G3BP2: variants seen among roughly 807,000 people sequenced by gnomAD.
The protein encoded by G3BP2 is G3BP stress granule assembly factor 2.
In G3BP2, 11 loss-of-function variants were observed where a neutral mutation model predicts 56.7. The observed-to-expected ratio is 0.19, with a 90% CI of 0.12 to 0.32. The LOEUF (loss-of-function observed/expected upper bound fraction) is 0.32, where lower values mean the gene tolerates loss of function less well. Ranked by LOEUF, G3BP2 falls within the 10% of genes least tolerant of loss-of-function variation. The pLI, the probability that G3BP2 is intolerant of heterozygous loss-of-function variation, is 1.00. For synonymous variants in G3BP2, 165 were observed against 191.6 expected (o/e 0.86, Z 1.15); for missense variants, 340 against 610.9 (o/e 0.56, Z 4.67).
At chr4:75,686,364 GACAGATTTGT>G (rs1435156360) in intron 3 of G3BP2, among the ~76,000 whole-genome samples, 1 of 152,108 alleles carries the variant, frequency 6.6e-6, no homozygotes, top group Non-Finnish European at 1.5e-5. Flanking sequence ...TAAGGTTTCA[GACAGATTTGT>G]ACAGGGTACA....
intron 2 of G3BP2, among the ~76,000 whole-genome samples, chr4:75,721,699 C>T (rs1720185553): frequency 6.6e-6 from 1 of 152,128 alleles, no homozygotes; most frequent in Non-Finnish European, 1.5e-5. Flanking sequence ...CTTACTACCA[C>T]CCCAACTAAA....
intron 3 of G3BP2, chr4:75,694,739 GA>G: frequency 1.0e-6 from 1 of 981,974 alleles, no homozygotes; most frequent in Non-Finnish European, 1.2e-6. Context: ...ACTCTGTCTC[GA>G]AAAACAAACA....
rs1391541487 is a variant in G3BP2 at position 75,645,558 on chromosome 4, C to T, written c.1321G>A (p.Val441Met). 1 of 1,613,800 alleles carries T rather than the reference C, an allele frequency of 6.2e-7. No individual in the cohort carries two copies. The highest frequency in any genetic ancestry group is 1.3e-5 in the African/African-American group (1 of 74,796). Residue 441 changes from valine (V) to methionine (M), a missense_variant, in exon 12 of 12, where the codon GTG becomes ATG. Coordinates refer to ENST00000359707, the MANE Select transcript of G3BP2 (RefSeq NM_203505.3). ...DRGPGGPRGIVGGGMMRDRDG... is the reference protein window; with the variant it reads ...DRGPGGPRGIMGGGMMRDRDG... Reference sequence around the variant, plus strand: ...CGATCACGCATCATTCCACCACCCACAATTCCACGTGGACCACCGGGACCT... The same window carrying T: ...CGATCACGCATCATTCCACCACCCATAATTCCACGTGGACCACCGGGACCT...
chr4:75,723,493 C>T (rs1720262734), intron 1 of G3BP2, among the ~76,000 whole-genome samples: 1 of 152,146 alleles, frequency 6.6e-6, no homozygotes, highest in Non-Finnish European at 1.5e-5. Flanking sequence ...GAGAGCAGAA[C>T]ACCTATTTGA....
In G3BP2 at chr4:75,645,434, C is replaced by A; in HGVS notation, c.1445G>T (p.Arg482Leu). Residue 482 changes from arginine to leucine, a missense_variant, in exon 12 of 12, where the codon CGC becomes CTC. Arg to Leu is a moderately radical substitution (Grantham distance 102). Around this residue, in one of 4 missense-constraint regions of G3BP2, gnomAD observed 94 missense variants for 173.8 expected, o/e 0.54. Coordinates refer to ENST00000359707, the MANE Select transcript of G3BP2 (RefSeq NM_203505.3). ...GACTTTGCCAACAGTGGAGCTTCAG[C>A]GACGCTGTCCTGTGAAGCGGCCCTC... The part of the protein sequence containing the change: ...QMEGRFTGQR[R>L] 6.2e-7 allele frequency: 1 copy of A among 1,611,416 alleles called. No individual in the cohort carries two copies. Among genetic ancestry groups the A allele is most frequent in the Non-Finnish European group, 8.5e-7 (1 of 1,178,310 alleles).
intron 3 of G3BP2, among the ~76,000 whole-genome samples, chr4:75,683,491 G>C: frequency 6.6e-6 from 1 of 151,996 alleles, no homozygotes; most frequent in Non-Finnish European, 1.5e-5. Flanking sequence ...TTGAACCTGG[G>C]AGGTGGAGGT....
At chr4:75,704,599 G>A (rs994233757) in intron 3 of G3BP2, among the ~76,000 whole-genome samples, 1 of 151,652 alleles carries the variant, frequency 6.6e-6, no homozygotes, top group Non-Finnish European at 1.5e-5. Flanking sequence ...AATAGTAGGT[G>A]TGAGCCACTG....
At chr4:75,701,448 A>G (rs901974462) in intron 3 of G3BP2, among the ~76,000 whole-genome samples, 1 of 147,538 alleles carries the variant, frequency 6.8e-6, no homozygotes, top group African/African-American at 2.5e-5. Flanking sequence ...TTGTTTTCAC[A>G]TGGAGTTTCG....
intron 3 of G3BP2, among the ~76,000 whole-genome samples, chr4:75,689,944 C>A (rs188134040): frequency 6.6e-6 from 1 of 152,290 alleles, no homozygotes; most frequent in Non-Finnish European, 1.5e-5. Flanking sequence ...AGAGAAGCTT[C>A]TGGGGTGGCA....
At chr4:75,665,978 C>A (rs1312651985) in intron 1 of G3BP2, among the ~76,000 whole-genome samples, 1 of 152,144 alleles carries the variant, frequency 6.6e-6, no homozygotes, top group African/African-American at 2.4e-5. Context: ...TCTACAGGAA[C>A]ACTGTTGTCA....
At chr4:75,701,458 G>T (rs1187965895) in intron 3 of G3BP2, among the ~76,000 whole-genome samples, 1 of 145,194 alleles carries the variant, frequency 6.9e-6, no homozygotes, top group Non-Finnish European at 1.5e-5. Context: ...ATGGAGTTTC[G>T]CTCTTGTTGC....
rs1400277447 is a variant in G3BP2, at chr4:75,695,297, ACTCAATT to A, written c.-25+25573_-25+25579del. Among the ~76,000 whole-genome samples, 4 of 152,218 alleles carry A rather than the reference ACTCAATT, an allele frequency of 2.6e-5. No individual in the cohort carries two copies. In the East Asian group the frequency reaches 7.7e-4, roughly 29 times the overall value. ...GGCCTGCCTGATTTGCGGCAATCAG[ACTCAATT>A]CTAAGATCCACATAAGCTGTAATCC... is the stretch of plus-strand genomic sequence containing the variant. On this transcript the variant is annotated intron_variant, in intron 3 of 3. Transcript: ENST00000499709.
chr4:75,658,295 C>T (rs1310303328), intron 3 of G3BP2, among the ~76,000 whole-genome samples: 1 of 151,992 alleles, frequency 6.6e-6, no homozygotes, highest in Non-Finnish European at 1.5e-5. Context: ...TAATATAACA[C>T]CATGTTTCAT....
rs1419255025 is a variant in G3BP2, at chr4:75,644,607, G to A, written c.*823C>T. 2 of 152,404 alleles carry A rather than the reference G, an allele frequency of 1.3e-5. No homozygotes were observed. Among genetic ancestry groups the A allele is most frequent in the African/African-American group, 2.4e-5 (1 of 41,392 alleles). 9.4% of individuals were successfully genotyped at this position (152,404 alleles called of 1,614,324 possible). A position where few individuals can be genotyped will look rare whatever the true frequency, so the allele number is the denominator to read the frequency against. ...CAATTTTCACTGTACACAGCTTAAA[G>A]AAAGGAAAAAAGGGGAGGAGGAGTG... is the stretch of plus-strand genomic sequence containing the variant. On this transcript the variant is annotated 3_prime_UTR_variant, in exon 12 of 12. Transcript: ENST00000359707.
intron 5 of G3BP2, among the ~76,000 whole-genome samples, chr4:75,656,463 A>C (rs547769731): frequency 6.0e-4 from 91 of 152,328 alleles, no homozygotes; most frequent in African/African-American, 2.1e-3. Context: ...CTTCCTTTGT[A>C]ACATATATTT....
chr4:75,678,873 A>G (rs1029190350), intron 3 of G3BP2, among the ~76,000 whole-genome samples: 6 of 152,228 alleles, frequency 3.9e-5, no homozygotes, highest in African/African-American at 9.6e-5. Flanking sequence ...TGTCTGGCAC[A>G]TGGTAAGTGC....
At chr4:75,652,413 G>A (rs1434512151) in intron 8 of G3BP2, among the ~76,000 whole-genome samples, 1 of 152,190 alleles carries the variant, frequency 6.6e-6, no homozygotes, top group Non-Finnish European at 1.5e-5. Flanking sequence ...ACTTGGGTCA[G>A]GAGTTTGAGA....
chr4:75,650,426 C>CCAAAA (rs1430594251), intron 8 of G3BP2, among the ~76,000 whole-genome samples: 1 of 76,770 alleles, frequency 1.3e-5, no homozygotes, highest in Non-Finnish European at 2.4e-5. Context: ...AACTCCATCT[C>CCAAAA]AAAAAAAAAA....
chr4:75,709,640 G>T (rs1719683082), intron 3 of G3BP2, among the ~76,000 whole-genome samples: 1 of 151,352 alleles, frequency 6.6e-6, no homozygotes, highest in South Asian at 2.1e-4. Context: ...AGGAAGGAAG[G>T]ATTGATTTGT....
Sources: gnomAD v4.1 joint callset for allele counts (sites outside exome capture counted in the v4.1 genomes callset) on GRCh38, gnomAD v4.1.1 for gene constraint, gnomAD v4.1.1 regional missense constraint, MANE v1.5 for transcripts, NCBI Gene and HGNC (gene_info 2026-07-23, HGNC 2026-07-21) for gene names.